The following SEL1L2 variants were observed in gnomAD, a reference collection of about 807,000 sequenced individuals.
The protein encoded by SEL1L2 is protein sel-1 homolog 2.
Under a neutral mutation model 98.8 loss-of-function variants are expected in SEL1L2, and 89 were observed. The observed-to-expected ratio is 0.90, with a 90% CI of 0.76 to 1.07. The LOEUF (loss-of-function observed/expected upper bound fraction) is 1.07. Among genes scored for constraint, SEL1L2 ranks in the 50% least tolerant of loss-of-function variants. The pLI, the probability that SEL1L2 is intolerant of heterozygous loss-of-function variation, is 0.00. For synonymous variants in SEL1L2, 262 were observed against 278.5 expected, an observed-to-expected ratio of 0.94 and a Z score of 0.59; for missense variants, 788 against 812.0, an observed-to-expected ratio of 0.97 and a Z score of 0.36.
At chr20:13,922,440 T>C (rs1156375442) in intron 3 of SEL1L2, among the ~76,000 whole-genome samples, 1 of 152,236 alleles carries the variant, frequency 6.6e-6, no homozygotes, top group African/African-American at 2.4e-5. Context: ...ATCGTTATTC[T>C]TCTTCCACAT....
chr20:13,875,578 C>T (rs2046394305), intron 12 of SEL1L2, among the ~76,000 whole-genome samples: 1 of 152,200 alleles, frequency 6.6e-6, no homozygotes, highest in Admixed American at 6.5e-5. Flanking sequence ...CCCTGACAAG[C>T]TCCCGCCTGG....
intron 10 of SEL1L2, among the ~76,000 whole-genome samples, chr20:13,884,500 A>T (rs1222660889): frequency 6.6e-6 from 1 of 151,456 alleles, no homozygotes; most frequent in East Asian, 1.9e-4. Flanking sequence ...TAATTAACTT[A>T]TTTATTTTTT....
intron 5 of SEL1L2, among the ~76,000 whole-genome samples, 188 bp from the exon 6 acceptor site, chr20:13,888,700 G>A (rs577685883): frequency 1.1e-3 from 148 of 137,638 alleles, no homozygotes; most frequent in Non-Finnish European, 1.6e-3. Flanking sequence ...GTGCAGTGGC[G>A]AGATCTCGGC....
chr20:13,919,141 A>G lies in SEL1L2; in HGVS notation c.284-18T>C, dbSNP rs1441357129. 1.4e-6 allele frequency: 2 copies of G among 1,404,172 alleles called. No individual in the cohort carries two copies. The highest frequency in any genetic ancestry group is 2.3e-5 in the East Asian group (1 of 43,886). The allele number at this position is 1,404,172 out of a possible 1,614,324, so 87.0% of individuals were successfully genotyped here. Reference sequence around the variant, plus strand: ...CTTTTGTACTATACATGAACAAACAAAAAATAAAAACAATATTACTTCTAT... The same window carrying G: ...CTTTTGTACTATACATGAACAAACAGAAAATAAAAACAATATTACTTCTAT... On this transcript the variant is annotated intron_variant, in intron 3 of 19. Coordinates refer to ENST00000284951, the MANE Select transcript of SEL1L2 (RefSeq NM_025229.2).
intron 5 of SEL1L2, among the ~76,000 whole-genome samples, chr20:13,900,816 C>T (rs1458712185): frequency 3.3e-5 from 5 of 152,134 alleles, no homozygotes; most frequent in African/African-American, 9.7e-5. Flanking sequence ...TTAAATCCTC[C>T]TTGTTTATGG....
chr20:13,940,716 C>T (rs1199716557), intron 2 of SEL1L2, among the ~76,000 whole-genome samples: 1 of 152,006 alleles, frequency 6.6e-6, no homozygotes, highest in Non-Finnish European at 1.5e-5. Context: ...GGCGAATCAC[C>T]TGAGGTTAGG....
At chr20:13,851,594 C>G (rs1240481358) in intron 18 of SEL1L2, among the ~76,000 whole-genome samples, 1 of 150,582 alleles carries the variant, frequency 6.6e-6, no homozygotes, top group African/African-American at 2.4e-5. Flanking sequence ...TCTACTCATG[C>G]CTTGTTTTAT....
chr20:13,866,289 C>A (rs1031750086), intron 15 of SEL1L2, among the ~76,000 whole-genome samples: 11 of 152,162 alleles, frequency 7.2e-5, no homozygotes, highest in African/African-American at 2.7e-4. Flanking sequence ...TCATCCAAAT[C>A]ATCAAAAACC....
chr20:13,907,919 C>T (rs371841343), intron 5 of SEL1L2, among the ~76,000 whole-genome samples: 152 of 150,390 alleles, frequency 1.0e-3, no homozygotes, highest in East Asian at 7.5e-3. Flanking sequence ...AGGCACATCC[C>T]GGCACGTGCC....
At chr20:13,888,049 A>G (rs1157558175) in intron 6 of SEL1L2, 48 bp from the exon 7 acceptor site, 1 of 1,544,730 alleles carries the variant, frequency 6.5e-7, no homozygotes, top group Non-Finnish European at 8.8e-7. Context: ...CAGGTTGGCC[A>G]TTTAAATTTG....
chr20:13,873,629 G>C (rs1445967766), intron 12 of SEL1L2, among the ~76,000 whole-genome samples: 1 of 152,090 alleles, frequency 6.6e-6, no homozygotes, highest in Admixed American at 6.5e-5. Flanking sequence ...CAAAGTGTTG[G>C]GATTACAGGC....
At chr20:13,849,873 C>A in intron 19 of SEL1L2, 1 of 545,806 alleles carries the variant, frequency 1.8e-6, no homozygotes, top group Admixed American at 3.4e-5. Context: ...CGTCTGCCTA[C>A]CAGTCTCGGC....
chr20:13,944,029 T>G (rs2049901403), intron 2 of SEL1L2, among the ~76,000 whole-genome samples: 1 of 152,060 alleles, frequency 6.6e-6, no homozygotes, highest in African/African-American at 2.4e-5. Flanking sequence ...GCAGCTCGGT[T>G]TTCAGGCTTT....
chr20:13,971,788 G>A (rs917822416), intron 1 of SEL1L2, among the ~76,000 whole-genome samples: 1 of 152,032 alleles, frequency 6.6e-6, no homozygotes, highest in Admixed American at 6.6e-5. Context: ...TATGAAGTGG[G>A]ATCTACCATT....
chr20:13,987,368 C>T (rs1475210043), intron 1 of SEL1L2, among the ~76,000 whole-genome samples: 3 of 146,190 alleles, frequency 2.1e-5, no homozygotes, highest in African/African-American at 7.7e-5. Context: ...CTTTTTGAGA[C>T]AGAGTCTTGT....
chr20:13,975,305 G>A (rs1188164187), intron 1 of SEL1L2, among the ~76,000 whole-genome samples: 1 of 152,096 alleles, frequency 6.6e-6, no homozygotes, highest in East Asian at 1.9e-4. Flanking sequence ...GCAAACATAT[G>A]TATATTACAT....
intron 1 of SEL1L2, among the ~76,000 whole-genome samples, chr20:13,986,637 T>G (rs190223678): frequency 1.3e-5 from 2 of 152,356 alleles, no homozygotes; most frequent in South Asian, 2.1e-4. Context: ...TACCACAATT[T>G]GTTTATTTAC....
At chr20:13,933,939 A>G (rs931448487) in intron 2 of SEL1L2, among the ~76,000 whole-genome samples, 1 of 147,958 alleles carries the variant, frequency 6.8e-6, no homozygotes, top group Non-Finnish European at 1.5e-5. Context: ...TTTAGTAAGT[A>G]CATAATAGCT....
rs2047291590 is a variant in SEL1L2, at chr20:13,893,455, A to G, written c.550-4943T>C. ...TATATAATGATAAAAGGTTCGCTTC[A>G]TTAGAAAGATGTAACAAGTATAAAT... On this transcript the variant is annotated intron_variant, in intron 5 of 19. Coordinates refer to ENST00000284951, the MANE Select transcript of SEL1L2 (RefSeq NM_025229.2). 2.0e-5 allele frequency among the ~76,000 whole-genome samples: 3 copies of G among 152,222 alleles called. No individual in the cohort carries two copies. In the South Asian group the frequency reaches 6.2e-4, roughly 32 times the overall value.
Sources: gnomAD v4.1 joint callset for allele counts (sites outside exome capture counted in the v4.1 genomes callset) on GRCh38, gnomAD v4.1.1 for gene constraint, MANE v1.5 for transcripts, NCBI Gene and HGNC (gene_info 2026-07-23, HGNC 2026-07-21) for gene names.